The following VPS41 variants were observed in gnomAD, a reference collection of about 807,000 sequenced individuals.
VPS41 encodes vacuolar protein sorting-associated protein 41 homolog.
VPS41 carries 85 observed loss-of-function variants against 130.9 expected under a neutral mutation model. The observed-to-expected ratio is 0.65, with a 90% CI of 0.55 to 0.78. The LOEUF is 0.78. VPS41 is among the 30% of genes least tolerant of loss of function. VPS41 has a pLI of 0.00. For missense variants in VPS41, 874 were observed against 1,018.7 expected, an observed-to-expected ratio of 0.86 and a Z score of 1.93; for synonymous variants, 335 against 332.9, an observed-to-expected ratio of 1.01 and a Z score of -0.07.
At chr7:38,872,100 T>C (rs997760353) in intron 2 of VPS41, among the ~76,000 whole-genome samples, 3 of 152,176 alleles carry the variant, frequency 2.0e-5, no homozygotes, top group African/African-American at 7.2e-5. Context: ...GCTAGGGCTG[T>C]AACTATCAGA....
chr7:38,826,291 G>A (rs1466391773), intron 5 of VPS41, among the ~76,000 whole-genome samples: 1 of 152,190 alleles, frequency 6.6e-6, no homozygotes, highest in Non-Finnish European at 1.5e-5. Context: ...CCAGGTTGAG[G>A]AAGAGATCTG....
At chr7:38,890,860 A>T (rs919343648) in intron 2 of VPS41, among the ~76,000 whole-genome samples, 1 of 151,774 alleles carries the variant, frequency 6.6e-6, no homozygotes, top group Admixed American at 6.6e-5. Context: ...CAATTTTTAA[A>T]TTTTTTGTAG....
At chr7:38,796,967 AGTCACTCTCGAC>A (rs1784633358) in intron 7 of VPS41, 103 bp from the exon 8 acceptor site, 2 of 1,371,408 alleles carry the variant, frequency 1.5e-6, no homozygotes, top group Admixed American at 3.6e-5. Context: ...ATAACAAACA[AGTCACTCTCGAC>A]GTCTTTAATG....
chr7:38,811,453 T>C (rs1784940785), intron 7 of VPS41, among the ~76,000 whole-genome samples: 1 of 152,070 alleles, frequency 6.6e-6, no homozygotes. Flanking sequence ...TCAAAGTTTG[T>C]ATGTTACAAG....
At chr7:38,792,271 A>C (rs1784548848) in intron 9 of VPS41, among the ~76,000 whole-genome samples, 1 of 152,192 alleles carries the variant, frequency 6.6e-6, no homozygotes, top group African/African-American at 2.4e-5. Context: ...TGACTGTAAG[A>C]GCCCTTTACC....
At chr7:38,828,310 AC>A (rs199553727) in intron 5 of VPS41, among the ~76,000 whole-genome samples, 7 of 20,594 alleles carry the variant, frequency 3.4e-4, no homozygotes, top group African/African-American at 7.2e-4. Context: ...AAAAGTCATG[AC>A]AAAAAAAAGA....
chr7:38,876,816 T>A (rs1361019433), intron 2 of VPS41, among the ~76,000 whole-genome samples: 1 of 152,066 alleles, frequency 6.6e-6, no homozygotes, highest in Non-Finnish European at 1.5e-5. Flanking sequence ...CATGTTCAAT[T>A]CAAGGAGGAA....
At chr7:38,728,405 A>C (rs755948485) in intron 27 of VPS41, 137 bp downstream of exon 27, 4 of 971,274 alleles carry the variant, frequency 4.1e-6, no homozygotes, top group Non-Finnish European at 6.6e-6. Flanking sequence ...GCAGGATGGA[A>C]GCCACAACAC....
chr7:38,885,655 G>T (rs1786710089), intron 2 of VPS41, among the ~76,000 whole-genome samples: 1 of 152,102 alleles, frequency 6.6e-6, no homozygotes, highest in Admixed American at 6.6e-5. Context: ...CATAACATGA[G>T]GCATATAGGA....
At chr7:38,908,201 T>C in intron 1 of VPS41, among the ~76,000 whole-genome samples, 1 of 144,330 alleles carries the variant, frequency 6.9e-6, no homozygotes. Context: ...TGACTGCAAC[T>C]GACAGCCCTG....
intron 5 of VPS41, among the ~76,000 whole-genome samples, chr7:38,823,127 T>G (rs947511963): frequency 6.6e-6 from 1 of 152,200 alleles, no homozygotes; most frequent in Non-Finnish European, 1.5e-5. Context: ...TATTAAGAAG[T>G]AGGGCCTTTA....
intron 10 of VPS41, among the ~76,000 whole-genome samples, chr7:38,787,870 G>A (rs762044865): frequency 2.6e-5 from 4 of 152,126 alleles, no homozygotes; most frequent in Non-Finnish European, 5.9e-5. Context: ...GGAAAAAATG[G>A]TACTTAACCA....
At chr7:38,803,574 A>G (rs1784777269) in intron 7 of VPS41, among the ~76,000 whole-genome samples, 1 of 152,234 alleles carries the variant, frequency 6.6e-6, no homozygotes, top group South Asian at 2.1e-4. Context: ...AGTAAAACCC[A>G]GCAAATAAAA....
chr7:38,752,401 C>A (rs992813513), intron 21 of VPS41, 88 bp from the exon 22 acceptor site: 12 of 1,504,834 alleles, frequency 8.0e-6, no homozygotes, highest in Non-Finnish European at 1.1e-5. Context: ...CTAAACACCT[C>A]CCATGGACAG....
chr7:38,893,034 A>G (rs530067166), intron 2 of VPS41, among the ~76,000 whole-genome samples: 1 of 152,124 alleles, frequency 6.6e-6, no homozygotes, highest in South Asian at 2.1e-4. Flanking sequence ...TCCTGCTATC[A>G]TCTCTCCTTC....
intron 4 of VPS41, among the ~76,000 whole-genome samples, chr7:38,845,261 AG>A (rs1785699049): frequency 6.6e-6 from 1 of 152,200 alleles, no homozygotes. Context: ...CTTCAATAAA[AG>A]GAAAAAAACA....
Position 38,796,801 on chromosome 7 carries a change from C to T in VPS41, c.514G>A (p.Gly172Arg), listed in dbSNP as rs1479175107. 3.7e-6 allele frequency: 6 copies of T among 1,614,022 alleles called. No individual in the cohort carries two copies. Among genetic ancestry groups the T allele is most frequent in the Admixed American group, 1.7e-5 (1 of 60,020 alleles). ...WKSAVLHEGE[G>R]NIRSVKWRGH... Reference sequence around the variant, plus strand: ...CTCCACTTCACACTCCTTATGTTCCCTTCCCCTTCATGCAGAACAGCAGAC... The same window carrying T: ...CTCCACTTCACACTCCTTATGTTCCTTTCCCCTTCATGCAGAACAGCAGAC... The change falls in exon 8 of 29, where the codon GGG (glycine) becomes AGG (arginine). Residue 172 changes from glycine to arginine, a missense_variant. Coordinates refer to ENST00000310301, the MANE Select transcript of VPS41 (RefSeq NM_014396.4).
chr7:38,752,095 A>G (rs2115702903), intron 22 of VPS41, 81 bp downstream of exon 22: 1 of 1,572,468 alleles, frequency 6.4e-7, no homozygotes, highest in Non-Finnish European at 8.7e-7. Context: ...ACAGAGATAG[A>G]AAGAGAAGAA....
At chr7:38,842,361 T>G (rs947215294) in intron 4 of VPS41, among the ~76,000 whole-genome samples, 2 of 152,158 alleles carry the variant, frequency 1.3e-5, no homozygotes, top group Non-Finnish European at 2.9e-5. Context: ...ACACTGCTAA[T>G]CCCAAAGTCA....
Sources: gnomAD v4.1 joint callset for allele counts (sites outside exome capture counted in the v4.1 genomes callset) on GRCh38, gnomAD v4.1.1 for gene constraint, MANE v1.5 for transcripts, NCBI Gene and HGNC (gene_info 2026-07-23, HGNC 2026-07-21) for gene names.